Variants in NDUFV2 observed in about 807,000 individuals in gnomAD.
The protein encoded by NDUFV2 is NADH:ubiquinone oxidoreductase core subunit V2.
In NDUFV2, 18 loss-of-function variants were observed where a neutral mutation model predicts 31.6. The observed-to-expected ratio is 0.57, with a 90% confidence interval of 0.39 to 0.84. NDUFV2 has a LOEUF of 0.84. NDUFV2 is among the 40% of genes least tolerant of loss of function. NDUFV2 has a pLI of 0.00. For missense variants in NDUFV2, 314 were observed against 303.6 expected (o/e 1.03, Z -0.26); for synonymous variants, 83 against 99.8 (o/e 0.83, Z 1.01).
chr18:9,125,101 T>C lies in NDUFV2; in HGVS notation c.579+118T>C, dbSNP rs1351411874. On this transcript the variant is annotated intron_variant, in intron 6 of 7. Transcript: ENST00000318388. ...TGAATTACTCATTTAGAAGAAATGG[T>C]TACCATAAATATCCAGGTTTTAAAA... is the stretch of plus-strand genomic sequence containing the variant. The C allele has an allele frequency of 3.7e-6, 4 of 1,089,950 alleles. No individual in the cohort carries two copies. The Admixed American group carries it at 1.0e-4, about 28-fold the overall frequency. The allele number at this position is 1,089,950 out of a possible 1,614,324, so 67.5% of individuals were successfully genotyped here. A position where few individuals can be genotyped will look rare whatever the true frequency, so the allele number is the denominator to read the frequency against.
intron 4 of NDUFV2, among the ~76,000 whole-genome samples, chr18:9,120,123 T>C (rs2077924221): frequency 6.6e-6 from 1 of 152,158 alleles, no homozygotes. Flanking sequence ...TCATATAATA[T>C]TCATTTTTCC....
chr18:9,102,734 G>A lies in NDUFV2; in HGVS notation c.-10G>A. 1 of 1,585,118 alleles carries A rather than the reference G, an allele frequency of 6.3e-7. No individual in the cohort carries two copies. Among genetic ancestry groups the A allele is most frequent in the Non-Finnish European group, 8.6e-7 (1 of 1,168,262 alleles). On this transcript the variant is annotated 5_prime_UTR_variant, in exon 1 of 8. The change creates a new upstream start codon in the 5' untranslated region. Transcript: ENST00000318388. The stretch of plus-strand genomic sequence containing the variant: ...GGCGCGGCTGGGGAAGGTGAACAGT[G>A]TGGCCCGCCATGTTCTTCTCCGCGG...
chr18:9,107,617 G>T (rs1338453288), intron 1 of NDUFV2, among the ~76,000 whole-genome samples: 4 of 152,156 alleles, frequency 2.6e-5, no homozygotes, highest in African/African-American at 9.7e-5. Context: ...CAGTAGTAAG[G>T]GCTGGGTTTA....
At chr18:9,127,048 C>G in intron 7 of NDUFV2, 141 bp downstream of exon 7, 1 of 737,830 alleles carries the variant, frequency 1.4e-6, no homozygotes. Context: ...TGAATCTCAT[C>G]TAGAGCAAGA....
At chr18:9,109,485 T>C (rs1178300021) in intron 1 of NDUFV2, among the ~76,000 whole-genome samples, 1 of 152,192 alleles carries the variant, frequency 6.6e-6, no homozygotes, top group Admixed American at 6.5e-5. Context: ...GGTAGTATTG[T>C]TTGAACAACA....
chr18:9,117,036 T>A (rs895839547), intron 1 of NDUFV2, among the ~76,000 whole-genome samples: 20 of 147,616 alleles, frequency 1.4e-4, no homozygotes, highest in Non-Finnish European at 1.5e-5. Context: ...TTTCTGAAAC[T>A]ACTTTTTTTT....
chr18:9,119,304 A>G lies in NDUFV2; in HGVS notation c.121-22A>G, dbSNP rs1428485189. 5.0e-6 allele frequency: 8 copies of G among 1,600,168 alleles called. No individual in the cohort carries two copies. In the East Asian group the frequency reaches 1.6e-4, roughly 31 times the overall value. ...ACTTGAGAGAATTTGGATAAGTCTGAAAAACTGTTTTTGTTGTGTAGCACA... is the reference window on the plus strand; with the variant it reads ...ACTTGAGAGAATTTGGATAAGTCTGGAAAACTGTTTTTGTTGTGTAGCACA... On this transcript the variant is annotated intron_variant, in intron 2 of 7. Transcript: ENST00000318388.
chr18:9,107,273 C>G (rs1350328683), intron 1 of NDUFV2, among the ~76,000 whole-genome samples: 1 of 152,178 alleles, frequency 6.6e-6, no homozygotes, highest in Non-Finnish European at 1.5e-5. Flanking sequence ...AAAAAGTTGA[C>G]TTTCCTTTCT....
In NDUFV2 at chr18:9,134,225, C is replaced by A. The variant is rs1182423802; in HGVS notation, c.696C>A (p.Thr232=). The change falls in exon 8 of 8, where the codon ACC becomes ACA. Residue 232 remains threonine (T), a synonymous_variant. Coordinates refer to ENST00000318388, the MANE Select transcript of NDUFV2 (RefSeq NM_021074.5). ...CTTGTGAGCCAGCTGGAGGTCTTAC[C>A]TCTTTGACTGAACCACCCAAGGGAC... ...RFSCEPAGGL[T]SLTEPPKGPG... 1 of 1,613,308 alleles carries A rather than the reference C, an allele frequency of 6.2e-7. No homozygotes were observed. Among genetic ancestry groups the A allele is most frequent in the East Asian group, 2.2e-5 (1 of 44,848 alleles).
intron 7 of NDUFV2, among the ~76,000 whole-genome samples, chr18:9,131,215 C>T (rs1204132884): frequency 6.6e-6 from 1 of 152,100 alleles, no homozygotes; most frequent in East Asian, 1.9e-4. Flanking sequence ...TTATCATTTT[C>T]ATGTTGTATA....
intron 7 of NDUFV2, among the ~76,000 whole-genome samples, chr18:9,127,799 G>A (rs895378393): frequency 6.6e-6 from 1 of 152,252 alleles, no homozygotes; most frequent in African/African-American, 2.4e-5. Flanking sequence ...GATACATACT[G>A]AGCAGCACAG....
At chr18:9,105,267 C>T (rs566980583) in intron 1 of NDUFV2, among the ~76,000 whole-genome samples, 64 of 152,326 alleles carry the variant, frequency 4.2e-4, no homozygotes, top group African/African-American at 1.4e-3. Flanking sequence ...AATCTAATTT[C>T]TGCTTTGCTA....
intron 1 of NDUFV2, among the ~76,000 whole-genome samples, chr18:9,107,631 G>C (rs902475076): frequency 6.6e-6 from 1 of 152,142 alleles, no homozygotes; most frequent in Non-Finnish European, 1.5e-5. Flanking sequence ...GGGTTTATTC[G>C]CAAGTCCTGT....
chr18:9,134,165 T>G, intron 7 of NDUFV2, 21 bp from the exon 8 acceptor site: 1 of 1,582,664 alleles, frequency 6.3e-7, no homozygotes, highest in Non-Finnish European at 8.7e-7. Context: ...ATTAATAGTT[T>G]AATATTACTT....
intron 7 of NDUFV2, among the ~76,000 whole-genome samples, chr18:9,129,290 T>C: frequency 6.6e-6 from 1 of 152,174 alleles, no homozygotes; most frequent in East Asian, 1.9e-4. Context: ...CTGTGGGATC[T>C]ATGGTTCATA....
At chr18:9,118,552 T>A (rs1000523561) in intron 2 of NDUFV2, among the ~76,000 whole-genome samples, 1 of 152,158 alleles carries the variant, frequency 6.6e-6, no homozygotes, top group Non-Finnish European at 1.5e-5. Context: ...GTCCAGAGTG[T>A]CTGTTTTCTT....
At chr18:9,127,718 C>T (rs892798756) in intron 7 of NDUFV2, among the ~76,000 whole-genome samples, 4 of 152,102 alleles carry the variant, frequency 2.6e-5, no homozygotes, top group African/African-American at 4.8e-5. Context: ...GTGATCTGCC[C>T]GCTTCAGACT....
chr18:9,126,398 G>A lies in NDUFV2; in HGVS notation c.580-433G>A, dbSNP rs2077991030. ...ATAAACAAACAAACTTGGGGAGGCT[G>A]GGTAACTTGTCCAAGATTACTAGCT... On this transcript the variant is annotated intron_variant, in intron 6 of 7. Transcript: ENST00000318388. Among the ~76,000 whole-genome samples the A allele has an allele frequency of 2.0e-5, 3 of 152,190 alleles. No homozygotes were observed. The South Asian group carries it at 6.2e-4, about 32-fold the overall frequency.
chr18:9,130,365 G>T (rs948489029), intron 7 of NDUFV2, among the ~76,000 whole-genome samples: 1 of 152,168 alleles, frequency 6.6e-6, no homozygotes, highest in African/African-American at 2.4e-5. Context: ...TTTTCGCTGA[G>T]ATTTTCTTGA....
Sources: allele counts gnomAD v4.1 joint callset (sites outside exome capture counted in the v4.1 genomes callset), GRCh38; gene constraint gnomAD v4.1.1; transcripts MANE v1.5; gene names NCBI Gene and HGNC (gene_info 2026-07-23, HGNC 2026-07-21).